The following PIEZO2 variants were observed in gnomAD, a reference collection of about 807,000 sequenced individuals.
PIEZO2 encodes piezo-type mechanosensitive ion channel component 2.
In PIEZO2, 172 loss-of-function variants were observed where a neutral mutation model predicts 337.3. The observed-to-expected ratio is 0.51, with a 90% confidence interval of 0.45 to 0.58. The LOEUF (loss-of-function observed/expected upper bound fraction) is 0.58. Among genes scored for constraint, PIEZO2 ranks in the 20% least tolerant of loss-of-function variants. PIEZO2 has a pLI of 0.00. For missense variants in PIEZO2, 3,028 were observed against 3,391.3 expected, an observed-to-expected ratio of 0.89 and a Z score of 2.66; for synonymous variants, 1,251 against 1,228.5, an observed-to-expected ratio of 1.02 and a Z score of -0.38.
rs548674056 is a variant in PIEZO2 at position 10,759,284 on chromosome 18, C to T, written c.3757+198G>A. Reference sequence around the variant, plus strand: ...ATGCAAGTGAATATGGCATTTCCAACACTGATTTATTAATTTTGCAAATGT... The same window carrying T: ...ATGCAAGTGAATATGGCATTTCCAATACTGATTTATTAATTTTGCAAATGT... On this transcript the variant is annotated intron_variant, in intron 26 of 55. Transcript: ENST00000674853. This position sits in a 1 kb window ranked among gnomAD's most constrained non-coding sequence, Gnocchi z 5.5. 6.6e-6 allele frequency among the ~76,000 whole-genome samples: 1 copy of T among 151,846 alleles called. No homozygotes were observed. Among genetic ancestry groups the T allele is most frequent in the Non-Finnish European group, 1.5e-5 (1 of 67,994 alleles).
At chr18:10,949,279 A>G (rs2033174259) in intron 3 of PIEZO2, among the ~76,000 whole-genome samples, 1 of 152,220 alleles carries the variant, frequency 6.6e-6, no homozygotes, top group Admixed American at 6.5e-5. Flanking sequence ...GAGTCTATGT[A>G]CATTTGCCCT....
rs548779547 is a variant in PIEZO2, at chr18:11,101,677, T to C, written c.65-35455A>G. 1.3e-4 allele frequency among the ~76,000 whole-genome samples: 20 copies of C among 152,356 alleles called. No individual in the cohort carries two copies. The highest frequency in any genetic ancestry group is 4.6e-4 in the African/African-American group (19 of 41,584). Reference sequence around the variant, plus strand: ...AACCGATGACTATGTTCAGTGTTTATATCCTCACAGAGAATTTCCTAAAGC... The same window carrying C: ...AACCGATGACTATGTTCAGTGTTTACATCCTCACAGAGAATTTCCTAAAGC... On this transcript the variant is annotated intron_variant, in intron 1 of 55. Coordinates refer to ENST00000674853, the MANE Select transcript of PIEZO2 (RefSeq NM_001378183.1). The surrounding 1 kb of genome is among the most constrained non-coding windows in gnomAD (Gnocchi z 4.4).
Position 10,670,434 on chromosome 18 carries a change from A to T in PIEZO2, c.*1093T>A, listed in dbSNP as rs929505446. On this transcript the variant is annotated 3_prime_UTR_variant, in exon 56 of 56. Coordinates refer to ENST00000674853, the MANE Select transcript of PIEZO2 (RefSeq NM_001378183.1). ...TATTTAATGAAGAGGTTGTATTACC[A>T]ATAATAATAATTTAAGAAAAGGCCA... 2.0e-5 allele frequency: 3 copies of T among 152,210 alleles called. No individual in the cohort carries two copies. Among genetic ancestry groups the T allele is most frequent in the African/African-American group, 7.2e-5 (3 of 41,438 alleles). 9.4% of individuals were successfully genotyped at this position (152,210 alleles called of 1,614,324 possible).
intron 3 of PIEZO2, among the ~76,000 whole-genome samples, chr18:10,922,079 G>GCCTTGTGATATCCTATCA (rs2031454900): frequency 6.6e-6 from 1 of 152,080 alleles, no homozygotes; most frequent in African/African-American, 2.4e-5. Flanking sequence ...GCCTCCGTTT[G>GCCTTGTGATATCCTATCA]CCTTGTGATA....
intron 54 of PIEZO2, among the ~76,000 whole-genome samples, chr18:10,674,123 A>T (rs2033893456): frequency 6.6e-6 from 1 of 152,166 alleles, no homozygotes; most frequent in South Asian, 2.1e-4. Context: ...GCATGATCCT[A>T]TTAGAGCCAA....
chr18:10,720,251 G>T (rs2036210855), intron 36 of PIEZO2, among the ~76,000 whole-genome samples: 2 of 116,872 alleles, frequency 1.7e-5, no homozygotes, highest in African/African-American at 7.2e-5. Flanking sequence ...TATATATATG[G>T]AGCCCAGGTA....
chr18:10,774,208 G>T (rs769654480), intron 18 of PIEZO2, among the ~76,000 whole-genome samples, 170 bp from the exon 19 acceptor site: 1 of 152,168 alleles, frequency 6.6e-6, no homozygotes, highest in Non-Finnish European at 1.5e-5. Context: ...CATCAATAGC[G>T]TGCTTTGCTC....
rs1032871710 is a variant in PIEZO2, at chr18:11,129,223, C to A, written c.64+19302G>T. 6.6e-6 allele frequency among the ~76,000 whole-genome samples: 1 copy of A among 152,074 alleles called. No individual in the cohort carries two copies. ...TTGTGAAACAGATTTGTGAGGGCAG[C>A]ACCTGCATCTTTGGAACCACAGTCA... is the stretch of plus-strand genomic sequence containing the variant. On this transcript the variant is annotated intron_variant, in intron 1 of 55. Transcript: ENST00000674853. This position sits in a 1 kb window ranked among gnomAD's most constrained non-coding sequence, Gnocchi z 4.6.
chr18:10,733,564 T>C (rs886133075), intron 35 of PIEZO2, among the ~76,000 whole-genome samples: 3 of 151,316 alleles, frequency 2.0e-5, no homozygotes, highest in Non-Finnish European at 2.9e-5. Context: ...TTCTCCTGCC[T>C]CAGCCTCCCG....
chr18:10,675,281 C>T lies in PIEZO2; in HGVS notation c.8089G>A (p.Glu2697Lys), dbSNP rs1186196044. 1 of 1,526,184 alleles carries T rather than the reference C, an allele frequency of 6.6e-7. No homozygotes were observed. The highest frequency in any genetic ancestry group is 2.3e-5 in the East Asian group (1 of 42,924). 94.5% of individuals were successfully genotyped at this position (1,526,184 alleles called of 1,614,324 possible). A position where few individuals can be genotyped will look rare whatever the true frequency, so the allele number is the denominator to read the frequency against. Residue 2697 changes from glutamate (E) to lysine (K), a missense_variant, in exon 54 of 56, where the codon GAA becomes AAA. Glu to Lys is a moderately conservative substitution (Grantham distance 56). This residue lies in a region of PIEZO2 where 332 missense variants were observed against 363.8 expected (regional missense o/e 0.91). Coordinates refer to ENST00000674853, the MANE Select transcript of PIEZO2 (RefSeq NM_001378183.1). ...TESSKTPVTI[E>K]KIYPYYVKAP... ...TTCACATAATATGGATAAATCTTTTCTATGGTCCTGTACATTAAGAAAAAA... is the reference window on the plus strand; with the variant it reads ...TTCACATAATATGGATAAATCTTTTTTATGGTCCTGTACATTAAGAAAAAA...
intron 3 of PIEZO2, among the ~76,000 whole-genome samples, chr18:10,926,169 C>A (rs1195558355): frequency 1.3e-5 from 2 of 152,186 alleles, no homozygotes; most frequent in African/African-American, 4.8e-5. Flanking sequence ...GGTCACAGAT[C>A]TTCAGGGCTT....
Position 10,742,505 on chromosome 18 carries a change from T to A in PIEZO2, c.4625A>T (p.Glu1542Val). The change falls in exon 32 of 56, where the codon GAG becomes GTG. Residue 1542 changes from glutamate (E) to valine (V), a missense_variant. By Grantham distance (121) the Glu-to-Val change is moderately radical. Transcript: ENST00000674853. ...ATGTCTTGACATACTTTCATCATCC[T>A]CTTCAGAGAGTTTTTGCATGTCCTG... is the stretch of plus-strand genomic sequence containing the variant. ...EGQDMQKLSE[E>V]DDEREADKQK... 1 of 1,537,238 alleles carries A rather than the reference T, an allele frequency of 6.5e-7. No homozygotes were observed. The highest frequency in any genetic ancestry group is 2.4e-5 in the East Asian group (1 of 40,904).
rs1044783652 is a variant in PIEZO2, at chr18:10,853,528, T to C, written c.917+1825A>G. ...GGAATTCGCTGTCAGTAACATACTT[T>C]GGTGCTGCGAGACTCAGATGTGTTT... is the stretch of plus-strand genomic sequence containing the variant. On this transcript the variant is annotated intron_variant, in intron 7 of 55. Coordinates refer to ENST00000674853, the MANE Select transcript of PIEZO2 (RefSeq NM_001378183.1). This position sits in a 1 kb window ranked among gnomAD's most constrained non-coding sequence, Gnocchi z 4.2. Among the ~76,000 whole-genome samples the C allele has an allele frequency of 2.0e-5, 3 of 152,232 alleles. No individual in the cohort carries two copies. The highest frequency in any genetic ancestry group is 2.1e-4 in the South Asian group (1 of 4,832).
At position 11,148,729 on chromosome 18, in the gene PIEZO2, G is replaced by A; in HGVS notation, c.-141C>T. On this transcript the variant is annotated 5_prime_UTR_variant, in exon 1 of 56. Transcript: ENST00000674853. This position sits in a 1 kb window ranked among gnomAD's most constrained non-coding sequence, Gnocchi z 5.2. ...CGAGCATCGCCTCGGCGCGGGCCGCGACGCTCTCCGCCCCGAGGGCACGCT... is the reference window on the plus strand; with the variant it reads ...CGAGCATCGCCTCGGCGCGGGCCGCAACGCTCTCCGCCCCGAGGGCACGCT... 1.2e-6 allele frequency: 1 copy of A among 844,044 alleles called. No individual in the cohort carries two copies. Among genetic ancestry groups the A allele is most frequent in the Non-Finnish European group, 1.8e-6 (1 of 549,662 alleles). The allele number at this position is 844,044 out of a possible 1,614,324, so 52.3% of individuals were successfully genotyped here.
chr18:11,135,326 C>T (rs1419554608), intron 1 of PIEZO2, among the ~76,000 whole-genome samples: 1 of 152,146 alleles, frequency 6.6e-6, no homozygotes, highest in African/African-American at 2.4e-5. Context: ...GAATAAACAT[C>T]TTGGATGACT....
Position 10,714,747 on chromosome 18 carries a change from G to A in PIEZO2, c.5423+17C>T. 6.5e-7 allele frequency: 1 copy of A among 1,535,842 alleles called. No individual in the cohort carries two copies. Among genetic ancestry groups the A allele is most frequent in the Non-Finnish European group, 8.7e-7 (1 of 1,146,140 alleles). ...TACCTTTGTCAAAAGTAAACCCATT[G>A]TTAGAAAGTGAAATACCTGGAGATA... On this transcript the variant is annotated intron_variant, in intron 39 of 55. Coordinates refer to ENST00000674853, the MANE Select transcript of PIEZO2 (RefSeq NM_001378183.1).
chr18:10,902,074 C>T (rs930953043), intron 4 of PIEZO2, among the ~76,000 whole-genome samples: 6 of 152,290 alleles, frequency 3.9e-5, no homozygotes, highest in African/African-American at 1.4e-4. Flanking sequence ...GCAGCAGCAT[C>T]GGTTTCTCAT....
rs528064035 is a variant in PIEZO2, at chr18:10,726,313, A to T, written c.5029+5094T>A. The stretch of plus-strand genomic sequence containing the variant: ...GGCCAGAGCCCCGGCCAGGTGGAGC[A>T]GGTGGGTCCCCGAACGCCCCGCCCA... On this transcript the variant is annotated intron_variant, in intron 36 of 55. Transcript: ENST00000674853. The surrounding 1 kb of genome is among the most constrained non-coding windows in gnomAD (Gnocchi z 5.9). The T allele has an allele frequency of 4.2e-5, 50 of 1,202,540 alleles. No homozygotes were observed. The South Asian group carries it at 6.7e-4, about 16-fold the overall frequency. 74.5% of individuals were successfully genotyped at this position (1,202,540 alleles called of 1,614,324 possible).
chr18:10,866,191 C>T (rs114762095), intron 5 of PIEZO2, among the ~76,000 whole-genome samples: 2,667 of 151,942 alleles, frequency 0.018, 77 homozygotes, highest in African/African-American at 0.056. Flanking sequence ...TTCCTCTTTG[C>T]GAATTATTTA....
Sources: allele counts gnomAD v4.1 joint callset (sites outside exome capture counted in the v4.1 genomes callset), GRCh38; gene constraint gnomAD v4.1.1; regional missense constraint gnomAD v4.1.1; non-coding constraint Gnocchi (gnomAD v3.1); transcripts MANE v1.5; gene names NCBI Gene and HGNC (gene_info 2026-07-23, HGNC 2026-07-21).